Variants in DPP8 observed in about 807,000 individuals in gnomAD.
DPP8 encodes the protein dipeptidyl peptidase 8.
In DPP8, 31 loss-of-function variants were observed where a neutral mutation model predicts 107.5. The observed-to-expected ratio is 0.29, with a 90% CI of 0.22 to 0.39. DPP8 has a LOEUF of 0.39. Ranked by LOEUF, DPP8 falls within the 10% of genes least tolerant of loss-of-function variation. The pLI is 1.00. For missense variants in DPP8, 842 were observed against 1,076.1 expected, an observed-to-expected ratio of 0.78 and a Z score of 3.04; for synonymous variants, 381 against 356.6, an observed-to-expected ratio of 1.07 and a Z score of -0.77.
At chr15:65,474,376 T>C in intron 11 of DPP8, 88 bp from the exon 12 acceptor site, 1 of 984,918 alleles carries the variant, frequency 1.0e-6, no homozygotes, top group Non-Finnish European at 1.6e-6. Flanking sequence ...AGCTCTTTTT[T>C]CCAAAAAGTT....
In DPP8 at chr15:65,446,088, A is replaced by C. The variant is rs937441301; in HGVS notation, c.*796T>G. 6.6e-6 allele frequency: 1 copy of C among 151,964 alleles called. No homozygotes were observed. The highest frequency in any genetic ancestry group is 2.4e-5 in the African/African-American group (1 of 41,378). 9.4% of individuals were successfully genotyped at this position (151,964 alleles called of 1,614,324 possible). ...TCCTTTTCTTAAAGGAAAAAAAAAA[A>C]CTTGCCTGCAAATATTTAAGCTCTA... On this transcript the variant is annotated 3_prime_UTR_variant, in exon 20 of 20. Coordinates refer to ENST00000300141, the MANE Select transcript of DPP8 (RefSeq NM_130434.5).
At chr15:65,472,093 TAAAGA>T (rs2065947293) in intron 12 of DPP8, among the ~76,000 whole-genome samples, 1 of 152,138 alleles carries the variant, frequency 6.6e-6, no homozygotes, top group Admixed American at 6.6e-5. Flanking sequence ...TTTTTTTCTT[TAAAGA>T]ATTCACTGAA....
At chr15:65,481,442 C>T (rs2066916478) in intron 9 of DPP8, 73 bp downstream of exon 9, 1 of 1,077,112 alleles carries the variant, frequency 9.3e-7, no homozygotes, top group Non-Finnish European at 1.4e-6. Context: ...ACAAGGCAAA[C>T]CTAATAGCAC....
intron 1 of DPP8, among the ~76,000 whole-genome samples, chr15:65,513,191 T>C (rs1420031456): frequency 6.6e-6 from 1 of 152,030 alleles, no homozygotes; most frequent in Non-Finnish European, 1.5e-5. Flanking sequence ...TAGACATCAC[T>C]ATCATGATCA....
chr15:65,473,607 T>C (rs2066116479), intron 12 of DPP8, among the ~76,000 whole-genome samples: 1 of 152,058 alleles, frequency 6.6e-6, no homozygotes, highest in Non-Finnish European at 1.5e-5. Context: ...AGGTTGAGAC[T>C]GCAGTGAGCC....
chr15:65,452,250 T>A, intron 17 of DPP8, 148 bp from the exon 18 acceptor site: 1 of 841,270 alleles, frequency 1.2e-6, no homozygotes, highest in Non-Finnish European at 1.7e-6. Context: ...CAACTCAGAA[T>A]ACGAAGTGAA....
At position 65,445,077 on chromosome 15, in the gene DPP8, G is replaced by C. The variant is rs1272869598; in HGVS notation, c.*1807C>G. On this transcript the variant is annotated 3_prime_UTR_variant, in exon 20 of 20. Transcript: ENST00000300141. ...TATACAGATAATAAGAAAAAGCGTG[G>C]TATCTATTATACAGTATAAATACAA... The C allele has an allele frequency of 6.6e-6, 1 of 152,016 alleles. No homozygotes were observed. Among genetic ancestry groups the C allele is most frequent in the African/African-American group, 2.4e-5 (1 of 41,378 alleles). The allele number at this position is 152,016 out of a possible 1,614,324, so 9.4% of individuals were successfully genotyped here. A position where few individuals can be genotyped will look rare whatever the true frequency, so the allele number is the denominator to read the frequency against.
intron 17 of DPP8, 37 bp from the exon 18 acceptor site, chr15:65,452,139 G>A: frequency 6.3e-7 from 1 of 1,578,894 alleles, no homozygotes; most frequent in Non-Finnish European, 8.6e-7. Context: ...GTGTGGTCTG[G>A]AAAAAGAGAG....
At chr15:65,501,600 T>C (rs1199417831) in intron 3 of DPP8, among the ~76,000 whole-genome samples, 1 of 152,216 alleles carries the variant, frequency 6.6e-6, no homozygotes, top group East Asian at 1.9e-4. Context: ...TTTAGCACAA[T>C]GACTGACACA....
chr15:65,470,344 G>A (rs542128704), intron 12 of DPP8, among the ~76,000 whole-genome samples: 13 of 151,890 alleles, frequency 8.6e-5, no homozygotes, highest in African/African-American at 2.9e-4. Flanking sequence ...GGTGGCTCAC[G>A]CCTGTAATCC....
intron 12 of DPP8, among the ~76,000 whole-genome samples, chr15:65,473,738 T>A (rs914567955): frequency 6.6e-6 from 1 of 152,106 alleles, no homozygotes; most frequent in Non-Finnish European, 1.5e-5. Context: ...ATAAATGAGA[T>A]TTATCATTTA....
chr15:65,490,419 C>A, intron 5 of DPP8, 120 bp from the exon 6 acceptor site: 1 of 695,544 alleles, frequency 1.4e-6, no homozygotes, highest in Non-Finnish European at 2.5e-6. Flanking sequence ...TGGAGCTGAA[C>A]GGACTGAGTT....
chr15:65,515,689 ACATT>A lies in DPP8; in HGVS notation c.-12+1793_-12+1796del, dbSNP rs758197866. The A allele has an allele frequency of 2.5e-6, 4 of 1,613,842 alleles. No homozygotes were observed. The Admixed American group carries it at 5.0e-5, about 20-fold the overall frequency. ...ATTTTCATCTGCTCAGATCTCTTCC[ACATT>A]CAAAGAGATCTTTTTCAAGTGACTC... On this transcript the variant is annotated intron_variant, in intron 1 of 19. Coordinates refer to ENST00000300141, the MANE Select transcript of DPP8 (RefSeq NM_130434.5).
At chr15:65,454,195 C>A in intron 17 of DPP8, 68 bp downstream of exon 17, 2 of 1,077,464 alleles carry the variant, frequency 1.9e-6, no homozygotes, top group Non-Finnish European at 2.5e-6. Flanking sequence ...TAGACATTTT[C>A]ATATATCCTC....
Position 65,512,537 on chromosome 15 carries a change from T to C in DPP8, c.17A>G (p.Glu6Gly). 6.2e-7 allele frequency: 1 copy of C among 1,614,144 alleles called. No individual in the cohort carries two copies. The highest frequency in any genetic ancestry group is 8.5e-7 in the Non-Finnish European group (1 of 1,180,030). Residue 6 changes from glutamate (E) to glycine (G), a missense_variant, in exon 2 of 20, where the codon GAA becomes GGA. Physicochemically the swap from Glu to Gly is moderately conservative, Grantham distance 98 (BLOSUM62 -2). Around this residue, in one of 2 missense-constraint regions of DPP8, gnomAD observed 663 missense variants for 758.0 expected, o/e 0.87. Transcript: ENST00000300141. ...TATCTCAACACCCAGCTGTTCTGTT[T>C]CCATTGCTGCTGCCATGTTGCATTT... The part of the protein sequence containing the change: MAAAM[E>G]TEQLGVEIFE...
At chr15:65,489,774 A>G (rs1242599634) in intron 6 of DPP8, among the ~76,000 whole-genome samples, 3 of 151,432 alleles carry the variant, frequency 2.0e-5, no homozygotes, top group African/African-American at 7.3e-5. Flanking sequence ...CTGGAGTGCA[A>G]TAGTGTGATC....
chr15:65,448,812 A>T (rs2063693527), intron 19 of DPP8, among the ~76,000 whole-genome samples: 2 of 136,694 alleles, frequency 1.5e-5, no homozygotes, highest in Non-Finnish European at 3.1e-5. Context: ...TAAAATATAC[A>T]TATATATCTA....
chr15:65,455,087 C>A (rs2064298391), intron 16 of DPP8, among the ~76,000 whole-genome samples: 1 of 152,084 alleles, frequency 6.6e-6, no homozygotes, highest in African/African-American at 2.4e-5. Flanking sequence ...CTTCCTATAC[C>A]CAAAGACAAA....
intron 19 of DPP8, among the ~76,000 whole-genome samples, chr15:65,450,375 G>T (rs1478886610): frequency 2.0e-5 from 3 of 152,064 alleles, no homozygotes; most frequent in Non-Finnish European, 4.4e-5. Flanking sequence ...GGTAGGTAAA[G>T]GTGTCCTGAA....
Sources: allele counts gnomAD v4.1 joint callset (sites outside exome capture counted in the v4.1 genomes callset), GRCh38; gene constraint gnomAD v4.1.1; regional missense constraint gnomAD v4.1.1; transcripts MANE v1.5; gene names NCBI Gene and HGNC (gene_info 2026-07-23, HGNC 2026-07-21).